The following SELENOT variants were observed in gnomAD, a reference collection of about 807,000 sequenced individuals.
The protein encoded by SELENOT is thioredoxin reductase-like selenoprotein T.
SELENOT carries 9 observed loss-of-function variants against 24.3 expected under a neutral mutation model. The ratio of observed to expected loss-of-function variants is 0.37; its 90% confidence interval spans 0.22 to 0.65. The LOEUF (loss-of-function observed/expected upper bound fraction) is 0.65. SELENOT is among the 30% of genes least tolerant of loss of function. The pLI is 0.60. For missense variants in SELENOT, 166 were observed against 247.6 expected (o/e 0.67, Z 2.21); for synonymous variants, 81 against 86.0 (o/e 0.94, Z 0.32).
chr3:150,607,161 G>A (rs987147388), intron 1 of SELENOT, among the ~76,000 whole-genome samples: 1 of 152,116 alleles, frequency 6.6e-6, no homozygotes, highest in Non-Finnish European at 1.5e-5. Flanking sequence ...AGAATATGGC[G>A]GGATTTTCAA....
intron 1 of SELENOT, among the ~76,000 whole-genome samples, chr3:150,606,343 T>C (rs1725962262): frequency 6.7e-6 from 1 of 150,354 alleles, no homozygotes; most frequent in African/African-American, 2.4e-5. Flanking sequence ...TGGTCTTGCC[T>C]TGTTGCCCAG....
chr3:150,625,330 T>C (rs1726416769), intron 4 of SELENOT, among the ~76,000 whole-genome samples: 1 of 152,174 alleles, frequency 6.6e-6, no homozygotes, highest in African/African-American at 2.4e-5. Context: ...CTTCCTATAA[T>C]GTCTGTAAAC....
chr3:150,620,501 A>G (rs1726320207), intron 1 of SELENOT, among the ~76,000 whole-genome samples: 1 of 152,338 alleles, frequency 6.6e-6, no homozygotes, highest in Non-Finnish European at 1.5e-5. Flanking sequence ...ACTCACCACT[A>G]AATACTCACT....
At chr3:150,611,434 C>A in intron 1 of SELENOT, 1 of 1,265,308 alleles carries the variant, frequency 7.9e-7, no homozygotes, top group Non-Finnish European at 1.2e-6. Context: ...CTTTAAGTGT[C>A]TTTTGTATCT....
intron 1 of SELENOT, among the ~76,000 whole-genome samples, chr3:150,609,639 GCC>G (rs1463076359): frequency 6.6e-6 from 1 of 152,124 alleles, no homozygotes; most frequent in Non-Finnish European, 1.5e-5. Context: ...GAGCCCCCTT[GCC>G]CAGCCTTGGT....
At chr3:150,617,416 C>T (rs1046473694) in intron 1 of SELENOT, among the ~76,000 whole-genome samples, 2 of 152,166 alleles carry the variant, frequency 1.3e-5, no homozygotes, top group African/African-American at 4.8e-5. Context: ...CCCTGGGCAA[C>T]ATAGTGAGAT....
chr3:150,627,249 C>T (rs1726465798), intron 5 of SELENOT, 86 bp downstream of exon 5: 1 of 1,021,254 alleles, frequency 9.8e-7, no homozygotes, highest in Admixed American at 2.6e-5. Context: ...TATATTATCA[C>T]TTGAGTTTCC....
rs1016285250 is a variant in SELENOT at position 150,628,251 on chromosome 3, T to TA, written c.*629dup. On this transcript the variant is annotated 3_prime_UTR_variant, in exon 6 of 6. Transcript: ENST00000471696. ...GTGCGTGTGATTACCAGAGAACTAC[T>TA]AAAAAAACCAACTGCTTTTTAAATC... The TA allele has an allele frequency of 3.3e-5, 5 of 152,694 alleles. No homozygotes were observed. Among genetic ancestry groups the TA allele is most frequent in the East Asian group, 1.9e-4 (1 of 5,190 alleles). The allele number at this position is 152,694 out of a possible 1,614,324, so 9.5% of individuals were successfully genotyped here.
chr3:150,617,975 G>A (rs1424108778), intron 1 of SELENOT, among the ~76,000 whole-genome samples: 7 of 152,202 alleles, frequency 4.6e-5, no homozygotes, highest in Admixed American at 1.3e-4. Context: ...TCATGCCTCA[G>A]CCTCCCAAGT....
At chr3:150,627,184 C>G (rs754825093) in intron 5 of SELENOT, 21 bp downstream of exon 5, 1 of 1,563,580 alleles carries the variant, frequency 6.4e-7, no homozygotes, top group Non-Finnish European at 8.7e-7. Flanking sequence ...TAAAATATAG[C>G]TAATGTATAG....
intron 1 of SELENOT, 92 bp from the exon 2 acceptor site, chr3:150,622,293 T>A (rs1726360197): frequency 3.9e-6 from 2 of 511,118 alleles, no homozygotes; most frequent in Non-Finnish European, 6.5e-6. Flanking sequence ...GAGAAAAATT[T>A]GTAATCTTGA....
In SELENOT at chr3:150,603,485, C is replaced by T. The variant is rs947989885; in HGVS notation, c.123C>T (p.Leu41=). Residue 41 remains leucine, a synonymous_variant, in exon 1 of 6, where the codon CTC becomes CTT. Coordinates refer to ENST00000471696, the MANE Select transcript of SELENOT (RefSeq NM_016275.5). ...LKMQYATGPL[L]KFQICVSUGY... ...TGCAGTACGCCACGGGGCCGCTGCT[C>T]AAGTTCCAGATTTGGTGAGTATGTG... 1 of 1,607,034 alleles carries T rather than the reference C, an allele frequency of 6.2e-7. No homozygotes were observed. The highest frequency in any genetic ancestry group is 8.5e-7 in the Non-Finnish European group (1 of 1,175,214).
At chr3:150,621,496 A>G (rs1726343334) in intron 1 of SELENOT, among the ~76,000 whole-genome samples, 1 of 151,652 alleles carries the variant, frequency 6.6e-6, no homozygotes, top group Non-Finnish European at 1.5e-5. Context: ...TCTGTTCCTT[A>G]ACTTAGAATT....
intron 4 of SELENOT, 136 bp from the exon 5 acceptor site, chr3:150,626,874 C>T (rs1447764902): frequency 1.0e-5 from 8 of 766,082 alleles, no homozygotes; most frequent in Admixed American, 6.1e-5. Context: ...TGTAAAGTCC[C>T]TGAGAGCAAG....
intron 1 of SELENOT, among the ~76,000 whole-genome samples, chr3:150,608,636 T>A (rs1726022533): frequency 6.6e-6 from 1 of 152,092 alleles, no homozygotes; most frequent in South Asian, 2.1e-4. Context: ...AGATGCTAAA[T>A]ATGGAAAAGT....
At chr3:150,609,240 T>G (rs570219320) in intron 1 of SELENOT, among the ~76,000 whole-genome samples, 35 of 152,360 alleles carry the variant, frequency 2.3e-4, no homozygotes, top group African/African-American at 8.2e-4. Flanking sequence ...CGGCCTGGCC[T>G]CCGTGCCTCT....
At chr3:150,623,802 G>T (rs373947395) in intron 3 of SELENOT, among the ~76,000 whole-genome samples, 3 of 151,852 alleles carry the variant, frequency 2.0e-5, no homozygotes, top group South Asian at 4.2e-4. Context: ...TATTAAAAAT[G>T]ATTTTAATCA....
At chr3:150,611,513 C>T in intron 1 of SELENOT, 1 of 1,087,222 alleles carries the variant, frequency 9.2e-7, no homozygotes, top group Non-Finnish European at 1.4e-6. Context: ...ACAGGTGAAT[C>T]ACCTCCATCA....
chr3:150,615,069 T>A (rs112635778), intron 1 of SELENOT, among the ~76,000 whole-genome samples: 29,236 of 133,502 alleles, frequency 0.22, 3,413 homozygotes, highest in East Asian at 0.47. Flanking sequence ...CCTGTGTCCA[T>A]GTGATCTCAT....
Sources: allele counts gnomAD v4.1 joint callset (sites outside exome capture counted in the v4.1 genomes callset), GRCh38; gene constraint gnomAD v4.1.1; transcripts MANE v1.5; gene names NCBI Gene and HGNC (gene_info 2026-07-23, HGNC 2026-07-21).